LPP: variants seen among roughly 807,000 people sequenced by gnomAD.
LPP encodes the protein LIM domain containing preferred translocation partner in lipoma.
In LPP, 38 loss-of-function variants were observed where a neutral mutation model predicts 60.4. That is an observed-to-expected ratio of 0.63 (90% CI 0.49 to 0.83). LPP has a LOEUF of 0.83. Ranked by LOEUF, LPP falls within the 40% of genes least tolerant of loss-of-function variation. LPP has a pLI of 0.00. For missense variants in LPP, 902 were observed against 783.6 expected (o/e 1.15, Z -1.80); for synonymous variants, 328 against 290.8 (o/e 1.13, Z -1.30).
chr3:188,808,909 A>G (rs2151279973), intron 9 of LPP, among the ~76,000 whole-genome samples: 1 of 152,108 alleles, frequency 6.6e-6, no homozygotes, highest in East Asian at 1.9e-4. Context: ...TAAAACTCCC[A>G]CTTATAAGTG....
intron 1 of LPP, among the ~76,000 whole-genome samples, chr3:188,155,077 A>G (rs748047133): frequency 2.6e-5 from 4 of 152,154 alleles, no homozygotes; most frequent in Non-Finnish European, 5.9e-5. Context: ...AAGTATAAAT[A>G]TTCTTTAGTT....
chr3:188,401,224 G>A (rs965308046), intron 3 of LPP, among the ~76,000 whole-genome samples: 5 of 151,974 alleles, frequency 3.3e-5, no homozygotes, highest in African/African-American at 1.2e-4. Context: ...TCCTATTCAA[G>A]GATAAAAGCT....
intron 7 of LPP, among the ~76,000 whole-genome samples, chr3:188,702,510 G>A (rs549496561): frequency 6.6e-6 from 1 of 151,978 alleles, no homozygotes; most frequent in Non-Finnish European, 1.5e-5. Context: ...TTCCCAAACT[G>A]TGAGTTGTTA....
chr3:188,481,177 T>C (rs1292030828), intron 4 of LPP, among the ~76,000 whole-genome samples: 1 of 152,196 alleles, frequency 6.6e-6, no homozygotes. Context: ...ATTGAAACTC[T>C]CCCGGTTAGT....
intron 3 of LPP, among the ~76,000 whole-genome samples, chr3:188,354,303 A>G (rs1366936722): frequency 1.3e-5 from 2 of 152,170 alleles, no homozygotes; most frequent in East Asian, 3.8e-4. Context: ...TACAGGTTTC[A>G]TGCTTCTTTT....
At chr3:188,425,594 A>G (rs1325533240) in intron 4 of LPP, among the ~76,000 whole-genome samples, 1 of 151,894 alleles carries the variant, frequency 6.6e-6, no homozygotes, top group East Asian at 1.9e-4. Context: ...TTTTTTGGTC[A>G]GTAGGCTATT....
chr3:188,603,059 T>C (rs2151250206), intron 6 of LPP, among the ~76,000 whole-genome samples: 1 of 142,192 alleles, frequency 7.0e-6, no homozygotes, highest in East Asian at 2.2e-4. Context: ...ATAATAATAA[T>C]AATAATGAAC....
At chr3:188,531,666 C>A (rs1159320738) in intron 6 of LPP, among the ~76,000 whole-genome samples, 1 of 152,140 alleles carries the variant, frequency 6.6e-6, no homozygotes, top group African/African-American at 2.4e-5. Context: ...GGGTGGCATA[C>A]CCCAACTCTA....
At position 188,607,392 on chromosome 3, in the gene LPP, TA is replaced by T. The variant is rs1560628460; in HGVS notation, c.430-1768del. Among the ~76,000 whole-genome samples, 84 of 31,034 alleles carry T rather than the reference TA, an allele frequency of 2.7e-3. 2 individuals are homozygous for T. The highest frequency in any genetic ancestry group is 0.013 in the Admixed American group (36 of 2,862). The allele number at this position is 31,034 out of a possible 152,430, so 20.4% of individuals were successfully genotyped here. A position where few individuals can be genotyped will look rare whatever the true frequency, so the allele number is the denominator to read the frequency against. The stretch of plus-strand genomic sequence containing the variant: ...GAAGATATATATATATATATATATA[TA>T]TATATATATATATATATATATATAA... On this transcript the variant is annotated intron_variant, in intron 6 of 11. Transcript: ENST00000617246.
At chr3:188,551,945 G>C (rs1436425918) in intron 6 of LPP, among the ~76,000 whole-genome samples, 3 of 152,126 alleles carry the variant, frequency 2.0e-5, no homozygotes, top group Non-Finnish European at 2.9e-5. Context: ...TGCCATCTTG[G>C]AGGCCCTTGT....
At chr3:188,377,238 T>G (rs1470648427) in intron 3 of LPP, among the ~76,000 whole-genome samples, 1 of 152,200 alleles carries the variant, frequency 6.6e-6, no homozygotes, top group Non-Finnish European at 1.5e-5. Flanking sequence ...ATTTCCTGAA[T>G]TTGAATGTTG....
intron 4 of LPP, among the ~76,000 whole-genome samples, chr3:188,469,788 T>C (rs1429616113): frequency 6.6e-6 from 1 of 152,172 alleles, no homozygotes; most frequent in Non-Finnish European, 1.5e-5. Flanking sequence ...CAATAAACAC[T>C]TAACTATATT....
chr3:188,843,936 T>C lies in LPP; in HGVS notation c.1411-22264T>C, dbSNP rs1054682450. On this transcript the variant is annotated intron_variant, in intron 9 of 11. Transcript: ENST00000617246. ...TCTTCCTCTCTCACACTCTACACTT[T>C]GCTTTTCTAGAATTGAAGCCTGGAG... Among the ~76,000 whole-genome samples the C allele has an allele frequency of 2.6e-5, 4 of 152,124 alleles. No individual in the cohort carries two copies. In the South Asian group the frequency reaches 8.3e-4, roughly 31 times the overall value.
At chr3:188,355,610 AT>A in intron 3 of LPP, among the ~76,000 whole-genome samples, 1 of 152,302 alleles carries the variant, frequency 6.6e-6, no homozygotes, top group Non-Finnish European at 1.5e-5. Context: ...GAAAAAATAT[AT>A]ACAAGTAATA....
chr3:188,848,880 C>T (rs559735433), intron 9 of LPP, among the ~76,000 whole-genome samples: 7 of 151,664 alleles, frequency 4.6e-5, no homozygotes, highest in Non-Finnish European at 5.9e-5. Flanking sequence ...GCAGGAGAAT[C>T]GCTTGAGCCT....
chr3:188,652,215 C>T (rs1194242477), intron 7 of LPP, among the ~76,000 whole-genome samples: 1 of 152,198 alleles, frequency 6.6e-6, no homozygotes, highest in Non-Finnish European at 1.5e-5. Flanking sequence ...TTGCCACTGA[C>T]ATTATTGCGC....
chr3:188,185,022 A>G (rs1317428852), intron 1 of LPP, among the ~76,000 whole-genome samples: 1 of 152,140 alleles, frequency 6.6e-6, no homozygotes. Context: ...AATGAAGCCA[A>G]TGGGAGTGCT....
chr3:188,824,301 T>C (rs1407219945), intron 9 of LPP, among the ~76,000 whole-genome samples: 1 of 152,220 alleles, frequency 6.6e-6, no homozygotes, highest in Non-Finnish European at 1.5e-5. Context: ...ATTGATGATG[T>C]AGCACTGGAC....
chr3:188,459,345 A>G (rs1798469050), intron 4 of LPP, among the ~76,000 whole-genome samples: 2 of 152,094 alleles, frequency 1.3e-5, no homozygotes, highest in African/African-American at 4.8e-5. Context: ...AGGAGAGAGG[A>G]AAAAAAGAAA....
Sources: allele counts gnomAD v4.1 joint callset (sites outside exome capture counted in the v4.1 genomes callset), GRCh38; gene constraint gnomAD v4.1.1; transcripts MANE v1.5; gene names NCBI Gene and HGNC (gene_info 2026-07-23, HGNC 2026-07-21).